Variants in KYNU observed in about 807,000 individuals in gnomAD.
KYNU encodes the protein kynureninase, also known as L-kynurenine hydrolase.
Under a neutral mutation model 59.2 loss-of-function variants are expected in KYNU, and 54 were observed. That is an observed-to-expected ratio of 0.91 (90% CI 0.73 to 1.14). The LOEUF (loss-of-function observed/expected upper bound fraction) is 1.14. Ranked by LOEUF, KYNU falls within the 50% of genes most tolerant of loss-of-function variation. The pLI, the probability that KYNU is intolerant of heterozygous loss-of-function variation, is 0.00. For synonymous variants in KYNU, 177 were observed against 192.0 expected, an observed-to-expected ratio of 0.92 and a Z score of 0.65; for missense variants, 567 against 554.4, an observed-to-expected ratio of 1.02 and a Z score of -0.23.
intron 10 of KYNU, among the ~76,000 whole-genome samples, chr2:143,001,009 A>T (rs1475029589): frequency 6.6e-6 from 1 of 152,212 alleles, no homozygotes; most frequent in Non-Finnish European, 1.5e-5. Flanking sequence ...TGCCTCACTC[A>T]TGATGGGATA....
At chr2:142,994,010 T>C (rs1215970467) in intron 10 of KYNU, among the ~76,000 whole-genome samples, 2 of 152,048 alleles carry the variant, frequency 1.3e-5, no homozygotes, top group East Asian at 1.9e-4. Context: ...GTAAAACTTG[T>C]CAAAGAGCTT....
chr2:143,016,058 AC>A (rs1298475961), intron 10 of KYNU, among the ~76,000 whole-genome samples: 1 of 152,208 alleles, frequency 6.6e-6, no homozygotes, highest in African/African-American at 2.4e-5. Flanking sequence ...CTAAACAACA[AC>A]CAATTCTAGA....
intron 8 of KYNU, among the ~76,000 whole-genome samples, chr2:142,979,478 G>T (rs1684989203): frequency 6.6e-6 from 1 of 152,148 alleles, no homozygotes; most frequent in Admixed American, 6.6e-5. Flanking sequence ...AGAGAGAAGA[G>T]AAAGATGGTT....
chr2:142,906,797 C>A (rs777751841), intron 2 of KYNU, among the ~76,000 whole-genome samples: 2 of 152,104 alleles, frequency 1.3e-5, no homozygotes, highest in African/African-American at 2.4e-5. Context: ...AGACTTCTAG[C>A]CTGCACCATG....
chr2:142,936,092 A>T (rs1683382733), intron 4 of KYNU, among the ~76,000 whole-genome samples: 1 of 152,160 alleles, frequency 6.6e-6, no homozygotes, highest in Non-Finnish European at 1.5e-5. Context: ...GGATTGAATG[A>T]GGAAAAAGAG....
intron 4 of KYNU, among the ~76,000 whole-genome samples, chr2:142,935,605 G>T (rs954225348): frequency 1.3e-5 from 2 of 152,174 alleles, no homozygotes; most frequent in South Asian, 4.1e-4. Context: ...AATATAAGAG[G>T]TGGGGTCTTC....
At chr2:143,024,290 T>G (rs576494042) in intron 10 of KYNU, among the ~76,000 whole-genome samples, 1 of 152,126 alleles carries the variant, frequency 6.6e-6, no homozygotes, top group East Asian at 1.9e-4. Flanking sequence ...TCACATATCA[T>G]TTCCTATTTA....
At chr2:143,025,949 CTAAT>C in intron 10 of KYNU, among the ~76,000 whole-genome samples, 1 of 152,198 alleles carries the variant, frequency 6.6e-6, no homozygotes, top group Middle Eastern at 3.4e-3. Flanking sequence ...TCAGACTCTG[CTAAT>C]TAATTCTATA....
intron 8 of KYNU, chr2:142,967,497 AT>A (rs1402320547): frequency 6.6e-6 from 1 of 152,136 alleles, no homozygotes; most frequent in African/African-American, 2.4e-5. Flanking sequence ...AATCACAATG[AT>A]AGCCCAGGCA....
chr2:142,898,727 G>A (rs780040245), intron 2 of KYNU, among the ~76,000 whole-genome samples: 22 of 152,142 alleles, frequency 1.4e-4, no homozygotes, highest in Admixed American at 1.2e-3. Flanking sequence ...GGGGCGGGCC[G>A]CTCCCAAGAT....
intron 8 of KYNU, among the ~76,000 whole-genome samples, chr2:142,966,748 GGTTT>G (rs1347239568): frequency 6.6e-6 from 1 of 152,060 alleles, no homozygotes; most frequent in Non-Finnish European, 1.5e-5. Context: ...CAACTTCACA[GGTTT>G]GTTCTAAAGA....
chr2:142,939,319 T>C (rs1683501075), intron 4 of KYNU, among the ~76,000 whole-genome samples: 1 of 151,992 alleles, frequency 6.6e-6, no homozygotes, highest in Admixed American at 6.6e-5. Flanking sequence ...GATAACAGAT[T>C]GAGTCTGAGA....
In KYNU at chr2:143,045,257, A is replaced by C. The variant is rs1687148465; in HGVS notation, c.*3085A>C. On this transcript the variant is annotated 3_prime_UTR_variant, in exon 14 of 14. Transcript: ENST00000264170. ...TAGCCTTGTAGTATAGTTTGAAGTCAGGTAGTGTGATGCCTCCAGCTTTGT... is the reference window on the plus strand; with the variant it reads ...TAGCCTTGTAGTATAGTTTGAAGTCCGGTAGTGTGATGCCTCCAGCTTTGT... 6.6e-6 allele frequency: 1 copy of C among 152,124 alleles called. No homozygotes were observed. 9.4% of individuals were successfully genotyped at this position (152,124 alleles called of 1,614,324 possible). A position where few individuals can be genotyped will look rare whatever the true frequency, so the allele number is the denominator to read the frequency against.
intron 12 of KYNU, among the ~76,000 whole-genome samples, chr2:143,039,110 T>C (rs760095180): frequency 1.9e-4 from 29 of 152,116 alleles, no homozygotes; most frequent in Non-Finnish European, 3.2e-4. Flanking sequence ...AGCCCACAAA[T>C]GGCAGTATTT....
intron 4 of KYNU, among the ~76,000 whole-genome samples, chr2:142,932,536 T>G (rs1282720393): frequency 6.6e-6 from 1 of 152,150 alleles, no homozygotes; most frequent in Non-Finnish European, 1.5e-5. Context: ...AGTTTGTTGA[T>G]GAGAGAGCCA....
chr2:143,002,373 A>G (rs1413522146), intron 10 of KYNU, among the ~76,000 whole-genome samples: 1 of 152,208 alleles, frequency 6.6e-6, no homozygotes, highest in Non-Finnish European at 1.5e-5. Flanking sequence ...TTTTTTCCTA[A>G]GAACACATTT....
At chr2:142,986,433 C>G (rs1002214315) in intron 10 of KYNU, among the ~76,000 whole-genome samples, 1 of 152,006 alleles carries the variant, frequency 6.6e-6, no homozygotes, top group East Asian at 1.9e-4. Context: ...AAAATTACAT[C>G]TACCTTTAAA....
At chr2:143,021,262 A>G (rs1018027741) in intron 10 of KYNU, among the ~76,000 whole-genome samples, 2 of 152,162 alleles carry the variant, frequency 1.3e-5, no homozygotes, top group Admixed American at 6.5e-5. Context: ...TCATTGGTCT[A>G]TAGAGTTGAT....
chr2:142,969,284 A>G (rs1468646959), intron 8 of KYNU, among the ~76,000 whole-genome samples: 1 of 152,208 alleles, frequency 6.6e-6, no homozygotes, highest in Non-Finnish European at 1.5e-5. Flanking sequence ...TAGAAGATAT[A>G]CTATATCTGC....
Sources: gnomAD v4.1 joint callset for allele counts (sites outside exome capture counted in the v4.1 genomes callset) on GRCh38, gnomAD v4.1.1 for gene constraint, MANE v1.5 for transcripts, NCBI Gene and HGNC (gene_info 2026-07-23, HGNC 2026-07-21) for gene names.